The following NLN variants were observed in gnomAD, a reference collection of about 807,000 sequenced individuals.
NLN encodes neurolysin.
Under a neutral mutation model 79.9 loss-of-function variants are expected in NLN, and 64 were observed. That is an observed-to-expected ratio of 0.80 (90% CI 0.65 to 0.99). The LOEUF (loss-of-function observed/expected upper bound fraction) is 0.99. Ranked by LOEUF, NLN falls within the 50% of genes least tolerant of loss-of-function variation. NLN has a pLI of 0.00. For synonymous variants in NLN, 267 were observed against 296.6 expected (o/e 0.90, Z 1.02); for missense variants, 835 against 858.7 (o/e 0.97, Z 0.34).
At chr5:65,790,443 A>C (rs1760029698) in intron 8 of NLN, among the ~76,000 whole-genome samples, 1 of 152,212 alleles carries the variant, frequency 6.6e-6, no homozygotes, top group Admixed American at 6.5e-5. Context: ...GACCTCAGGA[A>C]ACTTACAATC....
chr5:65,735,629 A>G (rs1201601158), intron 1 of NLN, among the ~76,000 whole-genome samples: 4 of 152,206 alleles, frequency 2.6e-5, no homozygotes, highest in Non-Finnish European at 5.9e-5. Flanking sequence ...GCTTACCACT[A>G]ATATATTTTC....
intron 8 of NLN, among the ~76,000 whole-genome samples, chr5:65,790,765 T>C (rs1221732629): frequency 6.6e-6 from 1 of 152,198 alleles, no homozygotes; most frequent in East Asian, 1.9e-4. Context: ...TATAGATGAG[T>C]CTTATTTTTA....
intron 12 of NLN, among the ~76,000 whole-genome samples, chr5:65,817,265 T>G (rs966392021): frequency 6.6e-6 from 1 of 152,230 alleles, no homozygotes; most frequent in African/African-American, 2.4e-5. Context: ...TTTAATTACT[T>G]TGTTATATAT....
chr5:65,792,660 GTT>G lies in NLN; in HGVS notation c.1527+14_1527+15del, dbSNP rs376854588. The G allele has an allele frequency of 2.0e-6, 3 of 1,516,870 alleles. No individual in the cohort carries two copies. The highest frequency in any genetic ancestry group is 2.8e-5 in the African/African-American group (2 of 72,268). 94.0% of individuals were successfully genotyped at this position (1,516,870 alleles called of 1,614,324 possible). On this transcript the variant is annotated splice_donor_region_variant and intron_variant, in intron 9 of 12. Coordinates refer to ENST00000380985, the MANE Select transcript of NLN (RefSeq NM_020726.5). The stretch of plus-strand genomic sequence containing the variant: ...ATGCATCAGATTTGTGCACAGGTGA[GTT>G]TTTTTTTTCCCCCAGTAAACCTGCC...
Position 65,812,394 on chromosome 5 carries a change from A to G in NLN, c.1980+3A>G, listed in dbSNP as rs367584853. ...AAGAAGGGATAATGAATCCAGAGGT[A>G]TAGTATTATTTTTCTCCTTTTATTA... On this transcript the variant is annotated splice_donor_region_variant and intron_variant, in intron 12 of 12. Coordinates refer to ENST00000380985, the MANE Select transcript of NLN (RefSeq NM_020726.5). 6 of 1,502,456 alleles carry G rather than the reference A, an allele frequency of 4.0e-6. No individual in the cohort carries two copies. The highest frequency in any genetic ancestry group is 5.5e-6 in the Non-Finnish European group (6 of 1,083,580). The allele number at this position is 1,502,456 out of a possible 1,614,324, so 93.1% of individuals were successfully genotyped here.
intron 9 of NLN, among the ~76,000 whole-genome samples, chr5:65,800,956 G>T (rs1187919595): frequency 6.6e-6 from 1 of 152,066 alleles, no homozygotes; most frequent in Non-Finnish European, 1.5e-5. Context: ...ACGTCTCAAA[G>T]TGCTGGAATT....
rs1331644037 is a variant in NLN, at chr5:65,722,417, A to G, written c.41+3A>G. On this transcript the variant is annotated splice_donor_region_variant and intron_variant, in intron 1 of 12. Coordinates refer to ENST00000380985, the MANE Select transcript of NLN (RefSeq NM_020726.5). ...TTGGCTGTGCGAAGCCTCCGCAGGT[A>G]CCTCCAGCGCGCGGGTTAACCTTGG... 6.3e-7 allele frequency: 1 copy of G among 1,586,894 alleles called. No homozygotes were observed.
At chr5:65,769,855 G>A (rs1308865373) in intron 3 of NLN, among the ~76,000 whole-genome samples, 2 of 152,182 alleles carry the variant, frequency 1.3e-5, no homozygotes, top group Admixed American at 1.3e-4. Context: ...AAGGGAGGGA[G>A]GTATCATGTT....
Position 65,781,301 on chromosome 5 carries a change from A to G in NLN, c.702A>G (p.Thr234=). Residue 234 remains threonine, a synonymous_variant, in exon 6 of 13, where the codon ACA becomes ACG. Coordinates refer to ENST00000380985, the MANE Select transcript of NLN (RefSeq NM_020726.5). ...PDDFIDSLEK[T]DDDKYKITLK... ...ATTTCATTGACAGTTTAGAAAAGAC[A>G]GATGATGACAAGTATAAAATTACCT... The G allele has an allele frequency of 6.2e-7, 1 of 1,608,734 alleles. No individual in the cohort carries two copies. The highest frequency in any genetic ancestry group is 8.5e-7 in the Non-Finnish European group (1 of 1,175,670).
chr5:65,813,915 G>A (rs1253893235), intron 12 of NLN, among the ~76,000 whole-genome samples: 1 of 151,180 alleles, frequency 6.6e-6, no homozygotes, highest in Non-Finnish European at 1.5e-5. Flanking sequence ...GAATGACAGA[G>A]TGAGATTATC....
At chr5:65,744,471 C>T (rs905032517) in intron 1 of NLN, among the ~76,000 whole-genome samples, 1 of 142,528 alleles carries the variant, frequency 7.0e-6, no homozygotes, top group South Asian at 2.2e-4. Context: ...TTCTCTCTCC[C>T]CTTTTTTTTT....
At position 65,758,874 on chromosome 5, in the gene NLN, T is replaced by C. The variant is rs751037986; in HGVS notation, c.301+48T>C. The C allele has an allele frequency of 2.6e-6, 4 of 1,528,064 alleles. No homozygotes were observed. In the East Asian group the frequency reaches 9.1e-5, roughly 35 times the overall value. The allele number at this position is 1,528,064 out of a possible 1,614,324, so 94.7% of individuals were successfully genotyped here. ...TCAGTGTTTCACTTTGTGGACATCT[T>C]AAATCATTTCATGCTTTCTGTCTTT... is the stretch of plus-strand genomic sequence containing the variant. On this transcript the variant is annotated intron_variant, in intron 2 of 12. Transcript: ENST00000380985.
At chr5:65,742,996 A>G (rs1017203832) in intron 1 of NLN, among the ~76,000 whole-genome samples, 1 of 152,240 alleles carries the variant, frequency 6.6e-6, no homozygotes. Flanking sequence ...CAGTTAAAAC[A>G]TATATGTTAT....
intron 3 of NLN, among the ~76,000 whole-genome samples, chr5:65,776,914 G>T (rs1759693076): frequency 1.3e-5 from 2 of 152,156 alleles, no homozygotes; most frequent in African/African-American, 2.4e-5. Flanking sequence ...TTTTTGAAGT[G>T]TTGGAAGGCT....
chr5:65,756,487 C>G (rs1172105929), intron 1 of NLN, among the ~76,000 whole-genome samples: 2 of 152,096 alleles, frequency 1.3e-5, no homozygotes, highest in African/African-American at 4.8e-5. Context: ...GCCCCAATAG[C>G]TCTAAGAACA....
chr5:65,735,628 TA>T (rs1443629786), intron 1 of NLN, among the ~76,000 whole-genome samples: 1 of 152,202 alleles, frequency 6.6e-6, no homozygotes, highest in African/African-American at 2.4e-5. Flanking sequence ...TGCTTACCAC[TA>T]ATATATTTTC....
chr5:65,748,145 G>A (rs565406442), intron 1 of NLN, among the ~76,000 whole-genome samples: 1 of 152,216 alleles, frequency 6.6e-6, no homozygotes, highest in Non-Finnish European at 1.5e-5. Flanking sequence ...AGGTTTCAGT[G>A]AGCCAAGATC....
At chr5:65,746,066 T>C (rs925235410) in intron 1 of NLN, among the ~76,000 whole-genome samples, 1 of 152,038 alleles carries the variant, frequency 6.6e-6, no homozygotes, top group Admixed American at 6.6e-5. Flanking sequence ...ACTCAGGAGA[T>C]TTGTGCTGGA....
intron 9 of NLN, among the ~76,000 whole-genome samples, chr5:65,806,663 G>C (rs534118514): frequency 6.6e-6 from 1 of 152,200 alleles, no homozygotes; most frequent in Non-Finnish European, 1.5e-5. Context: ...TGGTGAAGAT[G>C]CTATGAATAT....
Sources: gnomAD v4.1 joint callset for allele counts (sites outside exome capture counted in the v4.1 genomes callset) on GRCh38, gnomAD v4.1.1 for gene constraint, MANE v1.5 for transcripts, NCBI Gene and HGNC (gene_info 2026-07-23, HGNC 2026-07-21) for gene names.